The following PZP variants were observed in gnomAD, a reference collection of about 807,000 sequenced individuals.
The protein encoded by PZP is pregnancy zone protein.
In PZP, 150 loss-of-function variants were observed where a neutral mutation model predicts 179.8. The ratio of observed to expected loss-of-function variants is 0.83; its 90% confidence interval spans 0.73 to 0.96. The LOEUF (loss-of-function observed/expected upper bound fraction) is 0.96, where lower values mean the gene tolerates loss of function less well. Ranked by LOEUF, PZP falls within the 40% of genes least tolerant of loss-of-function variation. PZP has a pLI of 0.00. For synonymous variants in PZP, 624 were observed against 652.3 expected (o/e 0.96, Z 0.66); for missense variants, 1,689 against 1,764.0 (o/e 0.96, Z 0.76).
At position 9,194,297 on chromosome 12, in the gene PZP, A is replaced by G. The variant is rs1943621648; in HGVS notation, c.1093-59T>C. The G allele has an allele frequency of 4.7e-6, 7 of 1,494,944 alleles. No homozygotes were observed. In the Admixed American group the frequency reaches 5.8e-5, roughly 12 times the overall value. 92.6% of individuals were successfully genotyped at this position (1,494,944 alleles called of 1,614,324 possible). A position where few individuals can be genotyped will look rare whatever the true frequency, so the allele number is the denominator to read the frequency against. On this transcript the variant is annotated intron_variant, in intron 10 of 35. Transcript: ENST00000261336. ...ACAACACCCAGAGAGGACTGAACTC[A>G]TGTGAACAAATGCTTTTGCTGCTAT...
intron 19 of PZP, 44 bp downstream of exon 19, chr12:9,165,095 C>G (rs776415222): frequency 6.3e-7 from 1 of 1,582,930 alleles, no homozygotes; most frequent in South Asian, 1.1e-5. Context: ...TCAAAGGAAT[C>G]TTTTGTTCTA....
chr12:9,189,205 A>G lies in PZP; in HGVS notation c.1546+2988T>C, dbSNP rs756216582. Among the ~76,000 whole-genome samples the G allele has an allele frequency of 5.3e-5, 8 of 152,348 alleles. No individual in the cohort carries two copies. The East Asian group carries it at 1.3e-3, about 26-fold the overall frequency. ...CAAATAGCCAAGGCAATCCTAAGCA[A>G]AAAGAAGAAAGGAGGAGGCATCACA... On this transcript the variant is annotated intron_variant, in intron 13 of 35. Coordinates refer to ENST00000261336, the MANE Select transcript of PZP (RefSeq NM_002864.3).
intron 26 of PZP, among the ~76,000 whole-genome samples, chr12:9,158,113 GC>G (rs1279997047): frequency 6.6e-6 from 1 of 152,102 alleles, no homozygotes; most frequent in African/African-American, 2.4e-5. Flanking sequence ...ACCATGCCTG[GC>G]TAATTTTGTA....
Position 9,150,699 on chromosome 12 carries a change from G to A in PZP, c.4329C>T (p.Ile1443=), listed in dbSNP as rs780124756. 6.2e-7 allele frequency: 1 copy of A among 1,613,204 alleles called. No homozygotes were observed. The highest frequency in any genetic ancestry group is 8.5e-7 in the Non-Finnish European group (1 of 1,179,474). ...TTGCTGGCTTCAAGTCTCCTACTGGGATGTCTTGCAGAACCATGAAGGAAA... is the reference window on the plus strand; with the variant it reads ...TTGCTGGCTTCAAGTCTCCTACTGGAATGTCTTGCAGAACCATGAAGGAAA... ...LSFSFMVLQD[I]PVGDLKPAIV... Residue 1443 remains isoleucine (I), a synonymous_variant, in exon 34 of 36, where the codon ATC becomes ATT. Transcript: ENST00000261336.
At chr12:9,142,459 C>A in the PZP span, among the ~76,000 whole-genome samples, 20 of 152,288 alleles carry the variant, frequency 1.3e-4, no homozygotes, top group African/African-American at 1.9e-4. Flanking sequence ...TGTATGCTGG[C>A]AACTCTTAAA....
chr12:9,152,151 G>T (rs1212732967), intron 32 of PZP, 69 bp downstream of exon 32: 5 of 1,127,264 alleles, frequency 4.4e-6, no homozygotes, highest in Non-Finnish European at 6.8e-6. Flanking sequence ...TTTGATATTG[G>T]TATGGTCTTA....
At chr12:9,156,017 CT>C in intron 28 of PZP, 1 of 175,634 alleles carries the variant, frequency 5.7e-6, no homozygotes, top group Non-Finnish European at 1.2e-5. Context: ...GCTTCTTGAC[CT>C]TTTGGCTAAG....
At chr12:9,166,446 G>T (rs1403941407) in intron 17 of PZP, among the ~76,000 whole-genome samples, 1 of 152,128 alleles carries the variant, frequency 6.6e-6, no homozygotes, top group Non-Finnish European at 1.5e-5. Context: ...ATGGAAGCTG[G>T]AAAAACGAGA....
At chr12:9,199,121 C>A (rs2121191720) in intron 7 of PZP, among the ~76,000 whole-genome samples, 1 of 152,220 alleles carries the variant, frequency 6.6e-6, no homozygotes, top group Middle Eastern at 3.4e-3. Context: ...AGCAGAATGC[C>A]TAGTGAAAAC....
chr12:9,153,232 A>T lies in PZP; in HGVS notation c.3886T>A (p.Phe1296Ile), dbSNP rs1400319787. The T allele has an allele frequency of 3.7e-6, 6 of 1,613,998 alleles. No individual in the cohort carries two copies. The highest frequency in any genetic ancestry group is 5.1e-6 in the Non-Finnish European group (6 of 1,179,984). ...AGGAGGTTGTTGTTGTCTACTTGGA[A>T]ATTTGTAGAAAAGGTCTGTGAATCC... ...VQDSQTFSTN[F>I]QVDNNNLLLL... is the part of the protein sequence containing the mutation. Residue 1296 changes from phenylalanine to isoleucine, a missense_variant, in exon 30 of 36, where the codon TTC becomes ATC. Phe to Ile is a conservative substitution (Grantham distance 21). This residue lies in a region of PZP where 746 missense variants were observed against 749.2 expected (regional missense o/e 1.00). Coordinates refer to ENST00000261336, the MANE Select transcript of PZP (RefSeq NM_002864.3).
the PZP span, among the ~76,000 whole-genome samples, chr12:9,142,927 G>T: frequency 6.6e-6 from 1 of 152,170 alleles, no homozygotes; most frequent in Non-Finnish European, 1.5e-5. Context: ...AGTCATTTTA[G>T]GGTCTTTAAT....
chr12:9,168,986 T>C lies in PZP; in HGVS notation c.2002-12A>G. On this transcript the variant is annotated splice_polypyrimidine_tract_variant and intron_variant, in intron 16 of 35. Coordinates refer to ENST00000261336, the MANE Select transcript of PZP (RefSeq NM_002864.3). ...TTCAATCCCATCCCCTGGAAAAAAA[T>C]AATTGTTCAATCTACTTGTAAGCTT... is the stretch of plus-strand genomic sequence containing the variant. 6.3e-7 allele frequency: 1 copy of C among 1,582,870 alleles called. No individual in the cohort carries two copies. Among genetic ancestry groups the C allele is most frequent in the Non-Finnish European group, 8.7e-7 (1 of 1,151,750 alleles).
chr12:9,182,248 TCTCTCTATGTGC>T (rs1455609669), intron 13 of PZP, 131 bp from the exon 14 acceptor site: 7 of 796,892 alleles, frequency 8.8e-6, no homozygotes, highest in Non-Finnish European at 1.3e-5. Context: ...AATGGCTTAG[TCTCTCTATGTGC>T]CATTAGTTAT....
In PZP at chr12:9,164,138, G is replaced by A. The variant is rs1716647708; in HGVS notation, c.2609C>T (p.Thr870Ile). 6.2e-7 allele frequency: 1 copy of A among 1,611,494 alleles called. No homozygotes were observed. The highest frequency in any genetic ancestry group is 8.5e-7 in the Non-Finnish European group (1 of 1,177,718). ...QTLSWTVTPK[T>I]LGNVNFSVSA... ...TTTTGGGTACTGTCACTCACCCAGA[G>A]TTTTAGGAGTCACTGTCCAAGACAA... The change falls in exon 20 of 36, where the codon ACT becomes ATT. Residue 870 changes from threonine to isoleucine, a missense_variant. By Grantham distance (89) the Thr-to-Ile change is moderately conservative (BLOSUM62 -1). Coordinates refer to ENST00000261336, the MANE Select transcript of PZP (RefSeq NM_002864.3).
In PZP at chr12:9,208,345, G is replaced by C. The variant is rs1944545069; in HGVS notation, c.-4C>G. 1 of 1,611,312 alleles carries C rather than the reference G, an allele frequency of 6.2e-7. No homozygotes were observed. ...GAAGAAGTCTGTCTTTCCGCATTGTGAGGGATAAATCTCAGGGTTGTGTCC... is the reference window on the plus strand; with the variant it reads ...GAAGAAGTCTGTCTTTCCGCATTGTCAGGGATAAATCTCAGGGTTGTGTCC... On this transcript the variant is annotated 5_prime_UTR_variant, in exon 1 of 36. Transcript: ENST00000261336.
chr12:9,149,699 G>A (rs915515912), intron 34 of PZP, 97 bp from the exon 35 acceptor site: 16 of 1,149,620 alleles, frequency 1.4e-5, no homozygotes, highest in Middle Eastern at 2.1e-4. Flanking sequence ...AGAAAAGCAC[G>A]CCCTATCAGA....
downstream of PZP, among the ~76,000 whole-genome samples, chr12:9,147,990 T>G (rs1001884718): frequency 6.6e-6 from 1 of 152,150 alleles, no homozygotes; most frequent in Non-Finnish European, 1.5e-5. Flanking sequence ...TTGCCTCTTC[T>G]CAAATACTTG....
At chr12:9,181,235 A>C (rs774392855) in intron 14 of PZP, 103 bp from the exon 15 acceptor site, 1 of 1,395,728 alleles carries the variant, frequency 7.2e-7, no homozygotes, top group South Asian at 1.3e-5. Context: ...TCATATGACT[A>C]TGTTGGTAAT....
chr12:9,169,589 T>C lies in PZP; in HGVS notation c.1842A>G (p.Val614=), dbSNP rs771545749. The C allele has an allele frequency of 1.2e-5, 20 of 1,603,930 alleles. No individual in the cohort carries two copies. Among genetic ancestry groups the C allele is most frequent in the Admixed American group, 1.7e-5 (1 of 57,576 alleles). Residue 614 remains valine (V), a splice_region_variant and synonymous_variant, in exon 16 of 36, where the codon GTA becomes GTG. Coordinates refer to ENST00000261336, the MANE Select transcript of PZP (RefSeq NM_002864.3). ...KPEAELSVSS[V]YNLLTVKDLT... The stretch of plus-strand genomic sequence containing the variant: ...GATCCTTCACAGTTAGCAGATTATA[T>C]ACCTGTAGCAGTGGGGGGATCAAAG...
Sources: allele counts gnomAD v4.1 joint callset (sites outside exome capture counted in the v4.1 genomes callset), GRCh38; gene constraint gnomAD v4.1.1; regional missense constraint gnomAD v4.1.1; transcripts MANE v1.5; gene names NCBI Gene and HGNC (gene_info 2026-07-23, HGNC 2026-07-21).